PTPRD: variants seen among roughly 807,000 people sequenced by gnomAD.
PTPRD encodes the protein receptor-type tyrosine-protein phosphatase delta.
PTPRD carries 34 observed loss-of-function variants against 214.5 expected under a neutral mutation model. The ratio of observed to expected loss-of-function variants is 0.16; its 90% CI spans 0.12 to 0.21. The LOEUF is 0.21. Among genes scored for constraint, PTPRD ranks in the 10% least tolerant of loss-of-function variants. The probability of loss-of-function intolerance (pLI) is 1.00; values close to 1 mark genes in which losing one functional copy is unlikely to be tolerated. For missense variants in PTPRD, 2,545 were observed against 2,398.7 expected (o/e 1.06, Z -1.27); for synonymous variants, 1,128 against 845.7 (o/e 1.33, Z -5.79).
chr9:8,912,692 A>T (rs2098756393), intron 11 of PTPRD, among the ~76,000 whole-genome samples: 1 of 152,206 alleles, frequency 6.6e-6, no homozygotes, highest in Non-Finnish European at 1.5e-5. Flanking sequence ...AAGACAATGG[A>T]TTAATTCAGG....
At chr9:8,989,877 A>G (rs554604352) in intron 11 of PTPRD, among the ~76,000 whole-genome samples, 1 of 152,302 alleles carries the variant, frequency 6.6e-6, no homozygotes, top group South Asian at 2.1e-4. Flanking sequence ...ATCATGATTT[A>G]ATCTTAAAAT....
intron 11 of PTPRD, among the ~76,000 whole-genome samples, chr9:8,876,522 C>G (rs2098392404): frequency 6.6e-6 from 1 of 152,112 alleles, no homozygotes; most frequent in South Asian, 2.1e-4. Context: ...AATCACTTTA[C>G]TACAGTATCC....
intron 2 of PTPRD, among the ~76,000 whole-genome samples, chr9:10,410,685 T>A (rs534682202): frequency 9.9e-5 from 15 of 151,898 alleles, no homozygotes; most frequent in Middle Eastern, 3.4e-3. Context: ...AATAATAACA[T>A]TGATTCAGAC....
chr9:8,572,671 G>A (rs1262573220), intron 14 of PTPRD, among the ~76,000 whole-genome samples: 2 of 151,840 alleles, frequency 1.3e-5, no homozygotes, highest in Non-Finnish European at 2.9e-5. Flanking sequence ...AACCTCATTG[G>A]AGGCATTCAG....
intron 3 of PTPRD, among the ~76,000 whole-genome samples, chr9:10,279,028 C>A (rs1564978685): frequency 1.3e-5 from 2 of 152,134 alleles, no homozygotes; most frequent in South Asian, 4.1e-4. Flanking sequence ...CCCGCCTTGG[C>A]CTCCCAAAGT....
intron 8 of PTPRD, among the ~76,000 whole-genome samples, chr9:9,398,601 C>CA (rs2068841468): frequency 6.6e-6 from 1 of 151,578 alleles, no homozygotes; most frequent in African/African-American, 2.4e-5. Context: ...CTTAGTTTAA[C>CA]AAAAAAATAA....
At chr9:8,836,997 G>A (rs1436786189) in intron 11 of PTPRD, among the ~76,000 whole-genome samples, 1 of 147,322 alleles carries the variant, frequency 6.8e-6, no homozygotes, top group Non-Finnish European at 1.5e-5. Flanking sequence ...GAAGAGTCTA[G>A]ATTACAGGCG....
At chr9:8,468,724 G>C (rs988031714) in intron 31 of PTPRD, among the ~76,000 whole-genome samples, 1 of 144,372 alleles carries the variant, frequency 6.9e-6, no homozygotes, top group African/African-American at 2.5e-5. Flanking sequence ...TTTAAGAGAG[G>C]AACACTGCTT....
In PTPRD at chr9:9,756,627, A is replaced by C. The variant is rs370363149; in HGVS notation, c.-326+10183T>G. Among the ~76,000 whole-genome samples the C allele has an allele frequency of 3.0e-3, 451 of 152,238 alleles. 2 individuals carry two copies. Among genetic ancestry groups the C allele is most frequent in the African/African-American group, 0.01 (427 of 41,556 alleles). ...TGGATACAGAGTTTTCCTTTGGGGT[A>C]ATGAAAATGTTTTGGAACTGGATAG... On this transcript the variant is annotated intron_variant, in intron 6 of 45. Coordinates refer to ENST00000381196, the MANE Select transcript of PTPRD (RefSeq NM_002839.4).
chr9:8,321,614 C>T (rs571655637), intron 44 of PTPRD, among the ~76,000 whole-genome samples: 1 of 149,620 alleles, frequency 6.7e-6, no homozygotes, highest in African/African-American at 2.4e-5. Context: ...AACAGGCACA[C>T]ATAACACATT....
chr9:9,719,482 CT>C (rs2154431479), intron 7 of PTPRD, among the ~76,000 whole-genome samples: 1 of 152,262 alleles, frequency 6.6e-6, no homozygotes, highest in Admixed American at 6.5e-5. Context: ...GCCAGAGCTG[CT>C]TTAACGTCAT....
chr9:9,534,065 G>C (rs1217924621), intron 8 of PTPRD, among the ~76,000 whole-genome samples: 1 of 151,874 alleles, frequency 6.6e-6, no homozygotes, highest in East Asian at 1.9e-4. Context: ...TAAAACCATA[G>C]CTTAAGCCAG....
chr9:9,927,020 T>C (rs949661732), intron 5 of PTPRD, among the ~76,000 whole-genome samples: 10 of 152,168 alleles, frequency 6.6e-5, no homozygotes, highest in South Asian at 2.1e-4. Flanking sequence ...AAAGTGTTCA[T>C]TGAAGTTTAT....
intron 4 of PTPRD, among the ~76,000 whole-genome samples, chr9:10,027,486 C>A (rs1193871954): frequency 6.6e-6 from 1 of 151,920 alleles, no homozygotes; most frequent in Non-Finnish European, 1.5e-5. Context: ...TACAAAAGTG[C>A]CAAAACATGA....
At position 9,727,711 on chromosome 9, in the gene PTPRD, C is replaced by A. The variant is rs187886983; in HGVS notation, c.-287+6822G>T. On this transcript the variant is annotated intron_variant, in intron 7 of 45. Transcript: ENST00000381196. Reference sequence around the variant, plus strand: ...GAAACATGTTTAAACACTGGTAGTCCTTCTGAAATGAAACTTGCCGTCTTG... The same window carrying A: ...GAAACATGTTTAAACACTGGTAGTCATTCTGAAATGAAACTTGCCGTCTTG... Among the ~76,000 whole-genome samples, 25 of 152,136 alleles carry A rather than the reference C, an allele frequency of 1.6e-4. No homozygotes were observed. In the East Asian group the frequency reaches 4.3e-3, roughly 26 times the overall value.
At chr9:10,357,443 A>G (rs2097299547) in intron 2 of PTPRD, among the ~76,000 whole-genome samples, 1 of 152,222 alleles carries the variant, frequency 6.6e-6, no homozygotes, top group African/African-American at 2.4e-5. Context: ...CATGTCAAAC[A>G]GCAAACTATT....
At chr9:8,424,081 A>T (rs981163301) in intron 35 of PTPRD, among the ~76,000 whole-genome samples, 3 of 152,190 alleles carry the variant, frequency 2.0e-5, no homozygotes, top group Non-Finnish European at 4.4e-5. Flanking sequence ...AAAGGTTCCT[A>T]TCCAAATCAT....
rs1567096807 is a variant in PTPRD at position 8,934,423 on chromosome 9, A to ATATATAAATATATATATAAATT, written c.-104+84273_-104+84274insAATTTATATATATATTTATATA. 1.5e-3 allele frequency among the ~76,000 whole-genome samples: 92 copies of ATATATAAATATATATATAAATT among 60,024 alleles called. 5 individuals carry two copies. The highest frequency in any genetic ancestry group is 8.2e-3 in the East Asian group (9 of 1,098). 39.4% of individuals were successfully genotyped at this position (60,024 alleles called of 152,430 possible). On this transcript the variant is annotated intron_variant, in intron 11 of 45. Coordinates refer to ENST00000381196, the MANE Select transcript of PTPRD (RefSeq NM_002839.4). ...TGTGTGTGTGTGTGTGTGTGTGTGTATATATATATATAAATATATATATAA... is the reference window on the plus strand; with the variant it reads ...TGTGTGTGTGTGTGTGTGTGTGTGTATATATAAATATATATATAAATTTATATATATATAAATATATATATAA...
chr9:8,955,894 C>A (rs2099129080), intron 11 of PTPRD, among the ~76,000 whole-genome samples: 1 of 151,982 alleles, frequency 6.6e-6, no homozygotes, highest in Admixed American at 6.6e-5. Context: ...ATTTGCATAT[C>A]CATGCATATA....
Sources: gnomAD v4.1 joint callset for allele counts (sites outside exome capture counted in the v4.1 genomes callset) on GRCh38, gnomAD v4.1.1 for gene constraint, MANE v1.5 for transcripts, NCBI Gene and HGNC (gene_info 2026-07-23, HGNC 2026-07-21) for gene names.